The following ATCAY variants were observed in gnomAD, a reference collection of about 807,000 sequenced individuals.
ATCAY encodes ATCAY kinesin light chain interacting caytaxin.
ATCAY carries 22 observed loss-of-function variants against 47.7 expected under a neutral mutation model. That is an observed-to-expected ratio of 0.46 (90% CI 0.33 to 0.66). The LOEUF (loss-of-function observed/expected upper bound fraction) is 0.66. Among genes scored for constraint, ATCAY ranks in the 30% least tolerant of loss-of-function variants. The pLI, the probability that ATCAY is intolerant of heterozygous loss-of-function variation, is 0.02. For synonymous variants in ATCAY, 216 were observed against 207.6 expected, an observed-to-expected ratio of 1.04 and a Z score of -0.35; for missense variants, 452 against 515.0, an observed-to-expected ratio of 0.88 and a Z score of 1.18.
At chr19:3,918,561 A>AAT (rs1010662158) in intron 10 of ATCAY, among the ~76,000 whole-genome samples, 41 of 150,142 alleles carry the variant, frequency 2.7e-4, no homozygotes, top group Admixed American at 2.4e-3. Flanking sequence ...TCTCAAAAAA[A>AAT]AAAACAAAAA....
intron 2 of ATCAY, among the ~76,000 whole-genome samples, chr19:3,897,150 A>G (rs1216506656): frequency 6.6e-6 from 1 of 151,954 alleles, no homozygotes; most frequent in Non-Finnish European, 1.5e-5. Context: ...CATGGGTGGG[A>G]CATAACTAGG....
chr19:3,914,229 C>G (rs2038947084), intron 9 of ATCAY, among the ~76,000 whole-genome samples: 1 of 17,404 alleles, frequency 5.7e-5, no homozygotes. Flanking sequence ...GAGCGAGACT[C>G]CATCGCAAAA....
rs377660417 is a variant in ATCAY at position 3,887,919 on chromosome 19, C to G, written c.77+2075C>G. 2.5e-3 allele frequency among the ~76,000 whole-genome samples: 382 copies of G among 151,054 alleles called. 2 individuals carry two copies. The highest frequency in any genetic ancestry group is 8.5e-3 in the African/African-American group (351 of 41,238). On this transcript the variant is annotated intron_variant, in intron 2 of 12. Coordinates refer to ENST00000450849, the MANE Select transcript of ATCAY (RefSeq NM_033064.5). ...GTCAGGAATTTGAGACCAGCCTGGC[C>G]GACATAGTGAAACCCTGTCTCTACT...
intron 2 of ATCAY, among the ~76,000 whole-genome samples, chr19:3,888,109 G>A (rs10409824): frequency 0.28 from 39,894 of 144,602 alleles, 6,073 homozygotes; most frequent in African/African-American, 0.42. Context: ...GTGAGACTCC[G>A]TCTCAAAAAA....
chr19:3,905,365 G>C (rs1228218476), intron 3 of ATCAY, 69 bp from the exon 4 acceptor site: 16 of 1,440,160 alleles, frequency 1.1e-5, no homozygotes, highest in African/African-American at 1.4e-5. Flanking sequence ...CTTCCACCAG[G>C]TAGGAAAATG....
At chr19:3,893,090 T>A (rs571211203) in intron 2 of ATCAY, among the ~76,000 whole-genome samples, 1 of 151,506 alleles carries the variant, frequency 6.6e-6, no homozygotes, top group Admixed American at 6.6e-5. Context: ...CTTAAACTTA[T>A]CTCTTTTAGG....
Position 3,895,215 on chromosome 19 carries a change from A to AGTTTTTGTTTTT in ATCAY, c.78-7264_78-7253dup, listed in dbSNP as rs566755627. ...ACTGTCAGGTAAGAGCTAATGCTGC[A>AGTTTTTGTTTTT]GTTTTTGTTTTTGTTTTTGAGACGG... On this transcript the variant is annotated intron_variant, in intron 2 of 12. Transcript: ENST00000450849. The AGTTTTTGTTTTT allele has an allele frequency of 9.2e-5, 42 of 455,996 alleles. 1 individual carries two copies. Among genetic ancestry groups the AGTTTTTGTTTTT allele is most frequent in the East Asian group, 6.3e-4 (9 of 14,378 alleles). 28.2% of individuals were successfully genotyped at this position (455,996 alleles called of 1,614,324 possible). A position where few individuals can be genotyped will look rare whatever the true frequency, so the allele number is the denominator to read the frequency against.
At chr19:3,910,462 G>A (rs2038913570) in intron 7 of ATCAY, among the ~76,000 whole-genome samples, 1 of 152,244 alleles carries the variant, frequency 6.6e-6, no homozygotes, top group South Asian at 2.1e-4. Context: ...TTAGTGGAGG[G>A]AGGCTCCAAG....
Position 3,910,794 on chromosome 19 carries a change from C to G in ATCAY, c.780-9C>G, listed in dbSNP as rs1326301418. ...GAGCCCATCTTGCTTCCTTTGCGGC[C>G]CCACACAGGTTGCGGAAAAACCTGA... On this transcript the variant is annotated splice_polypyrimidine_tract_variant and intron_variant, in intron 7 of 12. Transcript: ENST00000450849. The G allele has an allele frequency of 6.2e-7, 1 of 1,613,878 alleles. No homozygotes were observed.
At chr19:3,918,937 T>A in intron 11 of ATCAY, 60 bp downstream of exon 11, 1 of 1,578,160 alleles carries the variant, frequency 6.3e-7, no homozygotes. Context: ...GCCTACTCCC[T>A]TGGGGGAGGC....
rs543630723 is a variant in ATCAY at position 3,907,774 on chromosome 19, C to T, written c.399C>T (p.Asp133=). The change falls in exon 5 of 13, where the codon GAC becomes GAT. Residue 133 remains aspartate (D), a synonymous_variant. Transcript: ENST00000450849. The surrounding 1 kb of genome is among the most constrained non-coding windows in gnomAD (Gnocchi z 5.1). The part of the protein sequence containing the change: ...PVATAKNMPG[D]SADLFGDGTT... ...CCACCGCCAAGAACATGCCCGGGGA[C>T]AGCGCGGATCTATTTGGGGACGGCA... The T allele has an allele frequency of 4.3e-6, 7 of 1,614,032 alleles. No individual in the cohort carries two copies. The South Asian group carries it at 5.5e-5, about 13-fold the overall frequency.
intron 8 of ATCAY, among the ~76,000 whole-genome samples, chr19:3,913,036 C>A (rs1390331686): frequency 6.6e-6 from 1 of 152,052 alleles, no homozygotes; most frequent in Non-Finnish European, 1.5e-5. Flanking sequence ...GACTGTAATC[C>A]CAGCACTTTG....
intron 8 of ATCAY, among the ~76,000 whole-genome samples, chr19:3,912,223 A>G (rs533454664): frequency 1.3e-5 from 2 of 152,176 alleles, no homozygotes; most frequent in Non-Finnish European, 2.9e-5. Context: ...CTGTAATCCC[A>G]ACACTTTGGA....
chr19:3,881,415 G>T (rs1450734426), intron 1 of ATCAY, among the ~76,000 whole-genome samples: 1 of 150,756 alleles, frequency 6.6e-6, no homozygotes, highest in Non-Finnish European at 1.5e-5. Context: ...TAAGTGTGTC[G>T]ATAAAGGCTG....
In ATCAY at chr19:3,907,654, G is replaced by T. The variant is rs1008796748; in HGVS notation, c.359-80G>T. The stretch of plus-strand genomic sequence containing the variant: ...GGTCCCGGCAGCGAGGGAGGTGGGA[G>T]AGGGGAAGGAAGGCTGAGCAGGAGG... On this transcript the variant is annotated intron_variant, in intron 4 of 12. Transcript: ENST00000450849. The surrounding 1 kb of genome is among the most constrained non-coding windows in gnomAD (Gnocchi z 5.1). 10 of 1,538,136 alleles carry T rather than the reference G, an allele frequency of 6.5e-6. No individual in the cohort carries two copies. The African/African-American group carries it at 1.4e-4, about 21-fold the overall frequency.
chr19:3,913,460 A>C (rs1193580900), intron 8 of ATCAY, among the ~76,000 whole-genome samples: 2 of 152,162 alleles, frequency 1.3e-5, no homozygotes, highest in African/African-American at 4.8e-5. Context: ...TGTAGAGTCT[A>C]AGACAATCTC....
intron 7 of ATCAY, among the ~76,000 whole-genome samples, chr19:3,910,447 C>T (rs1039332362): frequency 6.6e-6 from 1 of 152,134 alleles, no homozygotes; most frequent in Admixed American, 6.6e-5. Flanking sequence ...ATCCTTGCAC[C>T]CAGGTTAGTG....
At chr19:3,913,881 G>GC (rs773925534) in intron 9 of ATCAY, 25 bp downstream of exon 9, 28 of 1,582,650 alleles carry the variant, frequency 1.8e-5, no homozygotes, top group Non-Finnish European at 2.3e-5. Context: ...AGTCCACCCC[G>GC]CCGTATTAGT....
intron 8 of ATCAY, among the ~76,000 whole-genome samples, chr19:3,912,841 C>T (rs1419304092): frequency 6.6e-6 from 1 of 151,588 alleles, no homozygotes; most frequent in African/African-American, 2.4e-5. Context: ...GCCATGATTA[C>T]ACCACTGCAC....
Sources: allele counts gnomAD v4.1 joint callset (sites outside exome capture counted in the v4.1 genomes callset), GRCh38; gene constraint gnomAD v4.1.1; non-coding constraint Gnocchi (gnomAD v3.1); transcripts MANE v1.5; gene names NCBI Gene and HGNC (gene_info 2026-07-23, HGNC 2026-07-21).